DLG2: variants seen among roughly 807,000 people sequenced by gnomAD.
The protein encoded by DLG2 is disks large homolog 2.
In DLG2, 45 loss-of-function variants were observed where a neutral mutation model predicts 132.5. The ratio of observed to expected loss-of-function variants is 0.34; its 90% confidence interval spans 0.27 to 0.44. The LOEUF (loss-of-function observed/expected upper bound fraction) is 0.44, where lower values mean the gene tolerates loss of function less well. Among genes scored for constraint, DLG2 ranks in the 20% least tolerant of loss-of-function variants. The pLI is 1.00. For synonymous variants in DLG2, 424 were observed against 419.6 expected (o/e 1.01, Z -0.13); for missense variants, 1,045 against 1,196.9 (o/e 0.87, Z 1.87).
chr11:84,052,077 C>G (rs1454223602), intron 11 of DLG2, among the ~76,000 whole-genome samples: 1 of 151,816 alleles, frequency 6.6e-6, no homozygotes, highest in Non-Finnish European at 1.5e-5. Context: ...ATACTTGGAG[C>G]TATTTCTGCA....
intron 6 of DLG2, among the ~76,000 whole-genome samples, chr11:84,827,676 C>CAAAAAA (rs398016953): frequency 0.087 from 3,047 of 35,046 alleles, 521 homozygotes; most frequent in East Asian, 0.14. Context: ...TACATACAGT[C>CAAAAAA]AAAAAAAAAA....
intron 6 of DLG2, among the ~76,000 whole-genome samples, chr11:84,806,480 A>G (rs2153966593): frequency 6.6e-6 from 1 of 152,330 alleles, no homozygotes; most frequent in South Asian, 2.1e-4. Context: ...TTTGAATGAC[A>G]GCAGATTTCT....
chr11:84,541,188 T>A (rs2435931), intron 6 of DLG2, among the ~76,000 whole-genome samples: 10,621 of 113,878 alleles, frequency 0.093, 545 homozygotes, highest in South Asian at 0.29. Flanking sequence ...CTTGAAGTAT[T>A]ATAATAATAA....
At chr11:85,504,544 A>C (rs1032515945) in intron 3 of DLG2, among the ~76,000 whole-genome samples, 1 of 152,132 alleles carries the variant, frequency 6.6e-6, no homozygotes, top group Non-Finnish European at 1.5e-5. Flanking sequence ...ATTATTTCTG[A>C]GGACTCTGTT....
At chr11:84,387,056 T>C (rs894261821) in intron 7 of DLG2, among the ~76,000 whole-genome samples, 7 of 152,086 alleles carry the variant, frequency 4.6e-5, no homozygotes, top group African/African-American at 1.7e-4. Flanking sequence ...TGTACTCATG[T>C]CGTTTTGGAA....
chr11:84,452,192 G>C (rs1567674410), intron 7 of DLG2, among the ~76,000 whole-genome samples: 2 of 151,326 alleles, frequency 1.3e-5, no homozygotes, highest in Admixed American at 6.6e-5. Flanking sequence ...AGGAGGAGGA[G>C]GACGACGATG....
At chr11:84,368,472 C>A (rs1341885782) in intron 7 of DLG2, among the ~76,000 whole-genome samples, 5 of 151,974 alleles carry the variant, frequency 3.3e-5, no homozygotes, top group Non-Finnish European at 7.4e-5. Flanking sequence ...GTGCTCAAAC[C>A]ATCTACTAGA....
At chr11:84,387,586 T>C (rs2098775932) in intron 7 of DLG2, among the ~76,000 whole-genome samples, 1 of 152,088 alleles carries the variant, frequency 6.6e-6, no homozygotes, top group Non-Finnish European at 1.5e-5. Flanking sequence ...TGGTTGGGCA[T>C]GCAAAAGCTA....
rs1408319040 is a variant in DLG2 at position 84,744,034 on chromosome 11, G to GT, written c.358-209304dup. Among the ~76,000 whole-genome samples the GT allele has an allele frequency of 3.3e-5, 5 of 152,234 alleles. No individual in the cohort carries two copies. The South Asian group carries it at 6.2e-4, about 19-fold the overall frequency. On this transcript the variant is annotated intron_variant, in intron 6 of 27. Coordinates refer to ENST00000376104, the MANE Select transcript of DLG2 (RefSeq NM_001142699.3). ...CCACCGTGCCCGGCCGGAAACAGAA[G>GT]TTTCATATGGTTGAATCACACGTTT...
intron 7 of DLG2, among the ~76,000 whole-genome samples, chr11:84,533,940 A>G (rs1278688617): frequency 7.2e-6 from 1 of 138,736 alleles, no homozygotes; most frequent in Admixed American, 7.4e-5. Flanking sequence ...AAAAAAAATC[A>G]GAGTAATTTG....
intron 6 of DLG2, among the ~76,000 whole-genome samples, chr11:84,586,228 C>T (rs2099529611): frequency 6.8e-6 from 1 of 146,304 alleles, no homozygotes; most frequent in Non-Finnish European, 1.5e-5. Flanking sequence ...TGTTCTGTTT[C>T]TGTTTATATA....
intron 7 of DLG2, among the ~76,000 whole-genome samples, chr11:84,277,264 G>A (rs1046475771): frequency 2.0e-5 from 3 of 152,128 alleles, no homozygotes; most frequent in Non-Finnish European, 4.4e-5. Context: ...CTCCACAACA[G>A]CAAAATGTAC....
At chr11:84,666,795 G>T (rs1595285999) in intron 6 of DLG2, among the ~76,000 whole-genome samples, 1 of 152,000 alleles carries the variant, frequency 6.6e-6, no homozygotes, top group East Asian at 1.9e-4. Context: ...CATGGCTGAA[G>T]AAATAAAGCT....
intron 6 of DLG2, among the ~76,000 whole-genome samples, chr11:84,926,637 A>G (rs1006961856): frequency 3.3e-5 from 5 of 151,664 alleles, no homozygotes; most frequent in Non-Finnish European, 7.4e-5. Context: ...CAGTGTTGCT[A>G]TTGGCTTAGG....
At chr11:83,995,004 A>C in intron 11 of DLG2, among the ~76,000 whole-genome samples, 1 of 146,700 alleles carries the variant, frequency 6.8e-6, no homozygotes. Flanking sequence ...TTGTAAAGAC[A>C]CTTGCCATAT....
chr11:84,316,690 G>T, intron 7 of DLG2: 1 of 988,088 alleles, frequency 1.0e-6, no homozygotes. Context: ...AAAATGACAG[G>T]TTTTTCTTGG....
intron 6 of DLG2, among the ~76,000 whole-genome samples, chr11:84,925,873 G>A (rs2092959098): frequency 6.6e-6 from 1 of 152,048 alleles, no homozygotes; most frequent in African/African-American, 2.4e-5. Context: ...AATTGAAACT[G>A]TAAACATACT....
At chr11:85,521,243 T>C (rs2074289607) in intron 3 of DLG2, among the ~76,000 whole-genome samples, 2 of 152,206 alleles carry the variant, frequency 1.3e-5, no homozygotes, top group Non-Finnish European at 2.9e-5. Flanking sequence ...GCTGTTCTTA[T>C]GATAGTGAGT....
intron 6 of DLG2, among the ~76,000 whole-genome samples, chr11:84,944,766 G>A (rs146072756): frequency 0.032 from 4,919 of 151,878 alleles, 246 homozygotes; most frequent in African/African-American, 0.11. Context: ...CACCATGCCC[G>A]GCTAATTTTT....
Sources: gnomAD v4.1 joint callset for allele counts (sites outside exome capture counted in the v4.1 genomes callset) on GRCh38, gnomAD v4.1.1 for gene constraint, MANE v1.5 for transcripts, NCBI Gene and HGNC (gene_info 2026-07-23, HGNC 2026-07-21) for gene names.